Variants in MYO1C observed in about 807,000 individuals in gnomAD.
The protein encoded by MYO1C is myosin IC, also known as unconventional myosin-Ic.
A neutral mutation model predicts 150.8 loss-of-function variants in MYO1C; 104 were observed. The observed-to-expected ratio is 0.69, with a 90% CI of 0.59 to 0.81. The LOEUF is 0.81. Ranked by LOEUF, MYO1C falls within the 30% of genes least tolerant of loss-of-function variation. MYO1C has a pLI of 0.00. For missense variants in MYO1C, 1,504 were observed against 1,435.0 expected (o/e 1.05, Z -0.78); for synonymous variants, 663 against 579.9 (o/e 1.14, Z -2.06).
At chr17:1,466,862 G>C (rs2074182587) in intron 31 of MYO1C, among the ~76,000 whole-genome samples, 2 of 152,050 alleles carry the variant, frequency 1.3e-5, no homozygotes, top group Non-Finnish European at 2.9e-5. Flanking sequence ...CCTGATCTCG[G>C]GTGATCCACA....
rs545871138 is a variant in MYO1C at position 1,476,590 on chromosome 17, A to G, written c.1574+915T>C. Among the ~76,000 whole-genome samples, 54 of 152,318 alleles carry G rather than the reference A, an allele frequency of 3.5e-4. No individual in the cohort carries two copies. In the South Asian group the frequency reaches 3.9e-3, roughly 11 times the overall value. On this transcript the variant is annotated intron_variant, in intron 14 of 31. Coordinates refer to ENST00000648651, the MANE Select transcript of MYO1C (RefSeq NM_001080779.2). ...GATGAGAGCTAATTTTGGGGAAATG[A>G]CTTCGCCTCTTGGAGTCTCAGTGAG...
chr17:1,470,987 C>T (rs373577053), intron 21 of MYO1C, 84 bp downstream of exon 21: 5 of 1,446,156 alleles, frequency 3.5e-6, no homozygotes, highest in Non-Finnish European at 4.8e-6. Flanking sequence ...GGGGTGGACT[C>T]CCTGGAGAAG....
intron 1 of MYO1C, among the ~76,000 whole-genome samples, chr17:1,488,732 A>G (rs149262803): frequency 0.011 from 1,720 of 152,236 alleles, 32 homozygotes; most frequent in African/African-American, 0.037. Flanking sequence ...CTATTATGTC[A>G]CATGTGGGCT....
Position 1,472,164 on chromosome 17 carries a change from G to A in MYO1C, c.1862C>T (p.Ala621Val), listed in dbSNP as rs1272525513. ...LVEILQSKEP[A>V]YVRCIKPNDA... ...ATTGGGTTTGATGCAGCGGACGTAGGCGGGCTCCTTAGACTGCAGGATCTC... is the reference window on the plus strand; with the variant it reads ...ATTGGGTTTGATGCAGCGGACGTAGACGGGCTCCTTAGACTGCAGGATCTC... The change falls in exon 18 of 32, where the codon GCC (alanine) becomes GTC (valine). Residue 621 changes from alanine (A) to valine (V), a missense_variant. Ala to Val is a moderately conservative substitution (Grantham distance 64). Transcript: ENST00000648651. The A allele has an allele frequency of 2.5e-6, 4 of 1,614,052 alleles. No homozygotes were observed. In the African/African-American group the frequency reaches 4.0e-5, roughly 16 times the overall value.
intron 1 of MYO1C, among the ~76,000 whole-genome samples, chr17:1,487,379 C>T (rs1259499168): frequency 2.0e-5 from 3 of 152,230 alleles, no homozygotes; most frequent in Admixed American, 2.0e-4. Context: ...AGCCCCAGCG[C>T]CCCACCCCCA....
At chr17:1,472,938 C>T (rs1598328532) in intron 17 of MYO1C, among the ~76,000 whole-genome samples, 1 of 152,126 alleles carries the variant, frequency 6.6e-6, no homozygotes, top group Admixed American at 6.5e-5. Flanking sequence ...CGGTGGCTCA[C>T]GCCTGTCATC....
rs201519781 is a variant in MYO1C, at chr17:1,471,229, A to T, written c.2129T>A (p.Met710Lys). The T allele has an allele frequency of 3.7e-6, 6 of 1,613,952 alleles. No homozygotes were observed. The highest frequency in any genetic ancestry group is 5.1e-6 in the Non-Finnish European group (6 of 1,179,958). ...HLGYKPEEYK[M>K]GRTKIFIRFP... ...CGGCACGGACACTACCCACCTGCCC[A>T]TCTTGTACTCTTCTGGCTTGTAGCC... The change falls in exon 20 of 32, where the codon ATG becomes AAG. Residue 710 changes from methionine to lysine, a missense_variant. By Grantham distance (95) the Met-to-Lys change is moderately conservative (BLOSUM62 -1). Transcript: ENST00000648651.
At position 1,478,035 on chromosome 17, in the gene MYO1C, G is replaced by A. The variant is rs377740677; in HGVS notation, c.1401+52C>T. On this transcript the variant is annotated intron_variant, in intron 12 of 31. Coordinates refer to ENST00000648651, the MANE Select transcript of MYO1C (RefSeq NM_001080779.2). This position sits in a 1 kb window ranked among gnomAD's most constrained non-coding sequence, Gnocchi z 6.3. ...CCTGGCACCCTCTCCCAGGGGCCCC[G>A]ATACCCAGGCTCCCCGTGGCCCACG... The A allele has an allele frequency of 2.2e-4, 350 of 1,612,068 alleles. 1 individual carries two copies. Among genetic ancestry groups the A allele is most frequent in the Non-Finnish European group, 2.8e-4 (329 of 1,178,314 alleles).
Position 1,467,310 on chromosome 17 carries a change from C to T in MYO1C, c.3097G>A (p.Gly1033Ser). The T allele has an allele frequency of 6.2e-7, 1 of 1,613,554 alleles. No homozygotes were observed. Among genetic ancestry groups the T allele is most frequent in the Non-Finnish European group, 8.5e-7 (1 of 1,179,876 alleles). Residue 1033 changes from glycine (G) to serine (S), a missense_variant, in exon 31 of 32, where the codon GGC (glycine) becomes AGC (serine). Transcript: ENST00000648651. ...GAGCCGGGTGTGAAGTCAATGGTGC[C>T]ATCCCTGCCGGGGCCCCCTGCAAAC... ...ITFAGGPGRD[G>S]TIDFTPGSEL... is the part of the protein sequence containing the mutation.
chr17:1,490,359 G>A (rs1222539030), intron 1 of MYO1C, among the ~76,000 whole-genome samples: 4 of 151,814 alleles, frequency 2.6e-5, no homozygotes, highest in South Asian at 4.1e-4. Context: ...TTAGCTGGGC[G>A]CGGTGGCACA....
chr17:1,481,116 A>G (rs1190845857), intron 5 of MYO1C: 1 of 570,582 alleles, frequency 1.8e-6, no homozygotes, highest in Non-Finnish European at 3.1e-6. Context: ...TGGATGCCTG[A>G]CAGGTATCGC....
In MYO1C at chr17:1,472,041, G is replaced by A. The variant is rs996164176; in HGVS notation, c.1904-17C>T. Reference sequence around the variant, plus strand: ...CAAAGCGGCCTGGGGTAGGGGGAGCGCCGTGGTCAGCGGGCTGGCGCTGAC... The same window carrying A: ...CAAAGCGGCCTGGGGTAGGGGGAGCACCGTGGTCAGCGGGCTGGCGCTGAC... On this transcript the variant is annotated splice_polypyrimidine_tract_variant and intron_variant, in intron 18 of 31. Coordinates refer to ENST00000648651, the MANE Select transcript of MYO1C (RefSeq NM_001080779.2). 8.1e-6 allele frequency: 13 copies of A among 1,613,492 alleles called. No homozygotes were observed. The highest frequency in any genetic ancestry group is 1.1e-5 in the Non-Finnish European group (13 of 1,179,692).
chr17:1,467,384 C>A lies in MYO1C; in HGVS notation c.3066-43G>T, dbSNP rs756855408. 9 of 1,597,054 alleles carry A rather than the reference C, an allele frequency of 5.6e-6. No individual in the cohort carries two copies. The African/African-American group carries it at 9.4e-5, about 17-fold the overall frequency. ...GTGAGGGTTTTTCCATGGAGGCAGACCCCCAACCCTAAGGTGGACCCCCAC... is the reference window on the plus strand; with the variant it reads ...GTGAGGGTTTTTCCATGGAGGCAGAACCCCAACCCTAAGGTGGACCCCCAC... On this transcript the variant is annotated intron_variant, in intron 30 of 31. Coordinates refer to ENST00000648651, the MANE Select transcript of MYO1C (RefSeq NM_001080779.2).
intron 1 of MYO1C, chr17:1,485,498 C>A: frequency 3.4e-6 from 2 of 591,070 alleles, no homozygotes; most frequent in Non-Finnish European, 4.5e-6. Context: ...TCCCCGGCGG[C>A]TCCTCATCCG....
In MYO1C at chr17:1,484,278, A is replaced by G. The variant is rs1355970183; in HGVS notation, c.101T>C (p.Val34Ala). The G allele has an allele frequency of 1.9e-6, 3 of 1,611,118 alleles. No individual in the cohort carries two copies. In the African/African-American group the frequency reaches 4.0e-5, roughly 22 times the overall value. ...GGCGGTGAGCGCACTCTCCATGGTC[A>G]CCCGAACCCCGTCACTGCCCAGGGC... ...KLALGSDGVRVTMESALTARD... is the reference protein window; with the variant it reads ...KLALGSDGVRATMESALTARD... Residue 34 changes from valine (V) to alanine (A), a missense_variant, in exon 2 of 32, where the codon GTG (valine) becomes GCG (alanine). Val to Ala is a moderately conservative substitution (Grantham distance 64). Coordinates refer to ENST00000648651, the MANE Select transcript of MYO1C (RefSeq NM_001080779.2).
rs1353516156 is a variant in MYO1C, at chr17:1,477,560, G to C, written c.1519C>G (p.Leu507Val). 1.9e-6 allele frequency: 3 copies of C among 1,613,510 alleles called. No homozygotes were observed. The highest frequency in any genetic ancestry group is 2.5e-6 in the Non-Finnish European group (3 of 1,180,018). The stretch of plus-strand genomic sequence containing the variant: ...TCCTCCAGCTTCTCCAGGAAGGTCA[G>C]GTCTGTGGCCTCCCCGGGGCGCAGA... ...ECLRPGEATDLTFLEKLEDTV... is the reference protein window; with the variant it reads ...ECLRPGEATDVTFLEKLEDTV... The change falls in exon 14 of 32, where the codon CTG (leucine) becomes GTG (valine). Residue 507 changes from leucine to valine, a missense_variant. Physicochemically the swap from Leu to Val is conservative, Grantham distance 32. Transcript: ENST00000648651.
In MYO1C at chr17:1,479,646, G is replaced by A. The variant is rs201066827; in HGVS notation, c.966C>T (p.Asn322=). 36 of 1,613,634 alleles carry A rather than the reference G, an allele frequency of 2.2e-5. No homozygotes were observed. Among genetic ancestry groups the A allele is most frequent in the South Asian group, 2.1e-4 (19 of 90,916 alleles). The change falls in exon 8 of 32, where the codon AAC becomes AAT. Residue 322 remains asparagine (N), a synonymous_variant. Coordinates refer to ENST00000648651, the MANE Select transcript of MYO1C (RefSeq NM_001080779.2). This position sits in a 1 kb window ranked among gnomAD's most constrained non-coding sequence, Gnocchi z 4.2. ...LHLGNIHFAA[N]EESNAQVTTE... ...TGGTGACCTGGGCATTGCTCTCCTC[G>A]TTGGCAGCAAAGTGGATGTTGCCCA...
intron 5 of MYO1C, among the ~76,000 whole-genome samples, chr17:1,481,989 C>G (rs1428406813): frequency 6.6e-6 from 1 of 152,150 alleles, no homozygotes; most frequent in Non-Finnish European, 1.5e-5. Context: ...CCTGGCTGTT[C>G]CGTTCCCGCT....
rs755203263 is a variant in MYO1C, at chr17:1,478,565, C to T, written c.1212+51G>A. The T allele has an allele frequency of 2.2e-5, 36 of 1,613,882 alleles. No individual in the cohort carries two copies. The highest frequency in any genetic ancestry group is 7.7e-5 in the South Asian group (7 of 91,062). On this transcript the variant is annotated intron_variant, in intron 10 of 31. Transcript: ENST00000648651. The surrounding 1 kb of genome is among the most constrained non-coding windows in gnomAD (Gnocchi z 6.3). ...CCCCACCCTGCAGCACCCCCCGCCT[C>T]GCCGACGGCCCTCCCTTCTGCCTTG...
Sources: allele counts gnomAD v4.1 joint callset (sites outside exome capture counted in the v4.1 genomes callset), GRCh38; gene constraint gnomAD v4.1.1; non-coding constraint Gnocchi (gnomAD v3.1); transcripts MANE v1.5; gene names NCBI Gene and HGNC (gene_info 2026-07-23, HGNC 2026-07-21).